Variants in C4orf17 observed in about 807,000 individuals in gnomAD.
The protein encoded by C4orf17 is uncharacterized protein C4orf17.
In C4orf17, 25 loss-of-function variants were observed where a neutral mutation model predicts 32.0. The observed-to-expected ratio is 0.78, with a 90% confidence interval of 0.57 to 1.09. The LOEUF (loss-of-function observed/expected upper bound fraction) is 1.09, where lower values mean the gene tolerates loss of function less well. C4orf17 is among the 50% of genes least tolerant of loss of function. The probability of loss-of-function intolerance (pLI) is 0.00; values close to 1 mark genes in which losing one functional copy is unlikely to be tolerated. For synonymous variants in C4orf17, 149 were observed against 145.8 expected (o/e 1.02, Z -0.16); for missense variants, 420 against 420.0 (o/e 1.00, Z 0.00).
chr4:99,522,599 T>C lies in C4orf17; in HGVS notation c.227T>C (p.Ile76Thr), dbSNP rs1723309107. ...GQSNYLEKNR[I>T]PFANCSYPSS... Reference sequence around the variant, plus strand: ...TCTAACTACTTAGAGAAGAACAGGATACCATTTGCCAATTGCAGTTACCCC... The same window carrying C: ...TCTAACTACTTAGAGAAGAACAGGACACCATTTGCCAATTGCAGTTACCCC... The change falls in exon 3 of 9, where the codon ATA becomes ACA. Residue 76 changes from isoleucine to threonine, a missense_variant. Coordinates refer to ENST00000326581, the MANE Select transcript of C4orf17 (RefSeq NM_032149.3). The C allele has an allele frequency of 6.2e-7, 1 of 1,614,020 alleles. No homozygotes were observed. Among genetic ancestry groups the C allele is most frequent in the Non-Finnish European group, 8.5e-7 (1 of 1,179,894 alleles).
intron 4 of C4orf17, 88 bp from the exon 5 acceptor site, chr4:99,529,727 A>C (rs1723445998): frequency 8.9e-7 from 1 of 1,120,916 alleles, no homozygotes; most frequent in Admixed American, 2.6e-5. Flanking sequence ...TATTAGGCAC[A>C]ATATTTCTCA....
chr4:99,541,637 C>T (rs1241190511), intron 8 of C4orf17: 2 of 352,822 alleles, frequency 5.7e-6, no homozygotes, highest in African/African-American at 4.4e-5. Flanking sequence ...CTCACTGTCA[C>T]TCTTACCCAT....
intron 2 of C4orf17, among the ~76,000 whole-genome samples, chr4:99,517,350 A>ATTG (rs1218171421): frequency 6.6e-6 from 1 of 152,078 alleles, no homozygotes; most frequent in Admixed American, 6.5e-5. Context: ...CCCAGAACAT[A>ATTG]TTGCTGCAGG....
chr4:99,514,547 CAAT>C (rs1407751130), intron 2 of C4orf17, among the ~76,000 whole-genome samples: 2 of 151,988 alleles, frequency 1.3e-5, no homozygotes, highest in Admixed American at 6.6e-5. Flanking sequence ...ATTAAAACAA[CAAT>C]GAGATATCAC....
At chr4:99,517,865 A>C (rs1203402087) in intron 2 of C4orf17, among the ~76,000 whole-genome samples, 1 of 152,200 alleles carries the variant, frequency 6.6e-6, no homozygotes, top group Non-Finnish European at 1.5e-5. Flanking sequence ...CTTGCAAGGC[A>C]TGGAATGCCT....
Position 99,539,229 on chromosome 4 carries a change from G to A in C4orf17, c.695G>A (p.Arg232Lys). 5 of 1,614,048 alleles carry A rather than the reference G, an allele frequency of 3.1e-6. No homozygotes were observed. The highest frequency in any genetic ancestry group is 4.2e-6 in the Non-Finnish European group (5 of 1,179,950). ...LAEINLLTHH[R>K]RNTSMEPAAE... The stretch of plus-strand genomic sequence containing the variant: ...GAGATAAACCTGTTAACTCATCACA[G>A]AAGAAACACCTCAATGGAACCAGCA... Residue 232 changes from arginine (R) to lysine (K), a missense_variant, in exon 7 of 9, where the codon AGA becomes AAA. Coordinates refer to ENST00000326581, the MANE Select transcript of C4orf17 (RefSeq NM_032149.3).
intron 2 of C4orf17, among the ~76,000 whole-genome samples, chr4:99,516,168 C>T (rs1373448791): frequency 1.3e-5 from 2 of 152,188 alleles, no homozygotes; most frequent in African/African-American, 4.8e-5. Context: ...AAACATATAA[C>T]AAACTTTGTT....
intron 1 of C4orf17, among the ~76,000 whole-genome samples, chr4:99,512,121 A>C (rs1723102680): frequency 6.6e-6 from 1 of 152,188 alleles, no homozygotes; most frequent in African/African-American, 2.4e-5. Flanking sequence ...ACATTTTTTG[A>C]CACTGCAAAT....
intron 8 of C4orf17, 93 bp from the exon 9 acceptor site, chr4:99,541,817 T>G (rs925184208): frequency 8.9e-6 from 8 of 895,822 alleles, no homozygotes; most frequent in Non-Finnish European, 1.4e-5. Context: ...AAACTTCATA[T>G]AGTTTTTTAT....
At chr4:99,529,126 T>G (rs1166295659) in intron 4 of C4orf17, among the ~76,000 whole-genome samples, 1 of 152,208 alleles carries the variant, frequency 6.6e-6, no homozygotes, top group Non-Finnish European at 1.5e-5. Context: ...CCCAGGTTGT[T>G]GGCTCATTTA....
chr4:99,512,993 T>G lies in C4orf17; in HGVS notation c.-89T>G. 7.2e-7 allele frequency: 1 copy of G among 1,387,454 alleles called. No individual in the cohort carries two copies. Among genetic ancestry groups the G allele is most frequent in the Non-Finnish European group, 1.0e-6 (1 of 991,394 alleles). 85.9% of individuals were successfully genotyped at this position (1,387,454 alleles called of 1,614,324 possible). On this transcript the variant is annotated 5_prime_UTR_variant, in exon 2 of 9. Transcript: ENST00000326581. ...TTTGTCATTTTGTGATTTCAGGGTC[T>G]GAGCACATCTGGAAGTGAGGTCAAT...
At chr4:99,537,792 A>C (rs758387631) in intron 6 of C4orf17, 42 bp downstream of exon 6, 2 of 1,401,130 alleles carry the variant, frequency 1.4e-6, no homozygotes, top group Admixed American at 1.7e-5. Context: ...AGCTCAATTT[A>C]TTGTCAGAAA....
chr4:99,540,805 G>A (rs1280762425), intron 8 of C4orf17: 2 of 164,576 alleles, frequency 1.2e-5, no homozygotes, highest in Non-Finnish European at 2.6e-5. Context: ...CAGCTTAATG[G>A]AGTTAAATAA....
chr4:99,512,148 G>T (rs556392293), intron 1 of C4orf17, among the ~76,000 whole-genome samples: 181 of 152,194 alleles, frequency 1.2e-3, no homozygotes, highest in Non-Finnish European at 1.2e-3. Context: ...AACCCAAAAA[G>T]TCTCTGCCAT....
chr4:99,528,267 T>C (rs879898178), intron 4 of C4orf17, among the ~76,000 whole-genome samples: 18 of 152,220 alleles, frequency 1.2e-4, no homozygotes, highest in Non-Finnish European at 2.2e-4. Flanking sequence ...ATTTTATTAG[T>C]GTATCAAGGA....
chr4:99,540,546 T>C, intron 8 of C4orf17, 91 bp downstream of exon 8: 2 of 822,576 alleles, frequency 2.4e-6, no homozygotes, highest in East Asian at 5.1e-5. Flanking sequence ...GATCAGTGCT[T>C]TTAAAAAAAC....
intron 7 of C4orf17, among the ~76,000 whole-genome samples, chr4:99,539,984 G>A (rs1314183114): frequency 6.6e-6 from 1 of 152,016 alleles, no homozygotes; most frequent in Non-Finnish European, 1.5e-5. Flanking sequence ...TGTGTGGTAG[G>A]ATGTTATTTA....
At chr4:99,528,797 G>A (rs1723432163) in intron 4 of C4orf17, among the ~76,000 whole-genome samples, 1 of 152,080 alleles carries the variant, frequency 6.6e-6, no homozygotes, top group Non-Finnish European at 1.5e-5. Flanking sequence ...GGGGGAACCT[G>A]ACCCCATGAT....
At chr4:99,522,355 TTTTGGTTTATACAA>T in intron 2 of C4orf17, 131 bp from the exon 3 acceptor site, 4 of 667,158 alleles carry the variant, frequency 6.0e-6, no homozygotes, top group Admixed American at 3.0e-5. Context: ...CAATTTTTTT[TTTTGGTTTATACAA>T]TTTGAAGTTC....
Sources: allele counts gnomAD v4.1 joint callset (sites outside exome capture counted in the v4.1 genomes callset), GRCh38; gene constraint gnomAD v4.1.1; transcripts MANE v1.5; gene names NCBI Gene and HGNC (gene_info 2026-07-23, HGNC 2026-07-21).